NEK5: variants seen among roughly 807,000 people sequenced by gnomAD.
NEK5 encodes serine/threonine-protein kinase Nek5.
NEK5 carries 88 observed loss-of-function variants against 109.2 expected under a neutral mutation model. The observed-to-expected ratio is 0.81, with a 90% CI of 0.68 to 0.96. The LOEUF (loss-of-function observed/expected upper bound fraction) is 0.96, where lower values mean the gene tolerates loss of function less well. Among genes scored for constraint, NEK5 ranks in the 40% least tolerant of loss-of-function variants. The probability of loss-of-function intolerance (pLI) is 0.00; values close to 1 mark genes in which losing one functional copy is unlikely to be tolerated. For synonymous variants in NEK5, 283 were observed against 299.9 expected (o/e 0.94, Z 0.58); for missense variants, 834 against 920.7 (o/e 0.91, Z 1.22).
At chr13:52,068,676 T>C (rs1566746686) in intron 20 of NEK5, among the ~76,000 whole-genome samples, 1 of 151,950 alleles carries the variant, frequency 6.6e-6, no homozygotes, top group Non-Finnish European at 1.5e-5. Flanking sequence ...ATAACAGAAA[T>C]ATGAAGGGTT....
Position 52,082,394 on chromosome 13 carries a change from T to G in NEK5, c.1572+866A>C, listed in dbSNP as rs924964328. ...TTACTAAGCAAAAATAAAAGCACAC[T>G]TGGGCTTCTTATTCGCAAAATAAAT... On this transcript the variant is annotated intron_variant, in intron 17 of 23. Coordinates refer to ENST00000684899, the MANE Select transcript of NEK5 (RefSeq NM_001365552.1). 14 of 1,149,548 alleles carry G rather than the reference T, an allele frequency of 1.2e-5. No individual in the cohort carries two copies. The African/African-American group carries it at 2.4e-4, about 19-fold the overall frequency. 71.2% of individuals were successfully genotyped at this position (1,149,548 alleles called of 1,614,324 possible). A position where few individuals can be genotyped will look rare whatever the true frequency, so the allele number is the denominator to read the frequency against.
Position 52,071,325 on chromosome 13 carries a change from T to C in NEK5, c.1849+619A>G, listed in dbSNP as rs138768478. Among the ~76,000 whole-genome samples the C allele has an allele frequency of 3.2e-3, 491 of 152,294 alleles. 3 individuals are homozygous for C. The highest frequency in any genetic ancestry group is 0.011 in the African/African-American group (442 of 41,554). ...TCCCAAATACCTCATTCCTTCCACA[T>C]GTAGCCCAAGCAGCAAAACCTTATC... On this transcript the variant is annotated intron_variant, in intron 20 of 23. Transcript: ENST00000684899.
At chr13:52,079,096 G>A (rs1954921463) in intron 17 of NEK5, among the ~76,000 whole-genome samples, 1 of 152,180 alleles carries the variant, frequency 6.6e-6, no homozygotes, top group African/African-American at 2.4e-5. Context: ...AGATGAGGCA[G>A]TTATTAATTC....
At chr13:52,058,043 C>T (rs1396939479) in intron 22 of NEK5, among the ~76,000 whole-genome samples, 1 of 151,974 alleles carries the variant, frequency 6.6e-6, no homozygotes, top group Non-Finnish European at 1.5e-5. Flanking sequence ...GATTGTGTAT[C>T]TAGAAAACCC....
chr13:52,064,215 G>A (rs1405975943), intron 21 of NEK5, among the ~76,000 whole-genome samples: 9 of 144,226 alleles, frequency 6.2e-5, no homozygotes, highest in South Asian at 2.2e-4. Context: ...CGCCCCGTCC[G>A]GGAGGGAGGT....
chr13:52,068,546 A>G (rs1459753389), intron 20 of NEK5, among the ~76,000 whole-genome samples: 1 of 152,164 alleles, frequency 6.6e-6, no homozygotes, highest in Non-Finnish European at 1.5e-5. Context: ...CAACCAACTG[A>G]GGAAAACATT....
rs76485308 is a variant in NEK5 at position 52,112,345 on chromosome 13, C to T, written c.235G>A (p.Val79Ile). 1.2e-6 allele frequency: 2 copies of T among 1,604,386 alleles called. No individual in the cohort carries two copies. The highest frequency in any genetic ancestry group is 2.2e-5 in the South Asian group (2 of 90,732). ...SFQENGRLFI[V>I]MEYCDGGDLM... is the part of the protein sequence containing the mutation. Reference sequence around the variant, plus strand: ...TCCCCTCCATCACAATATTCCATTACAATAAACAGCCTGCCATTCTCTGTA... The same window carrying T: ...TCCCCTCCATCACAATATTCCATTATAATAAACAGCCTGCCATTCTCTGTA... Residue 79 changes from valine to isoleucine, a missense_variant, in exon 5 of 24, where the codon GTA becomes ATA. Val to Ile is a conservative substitution (Grantham distance 29, BLOSUM62 3). This residue lies in a region of NEK5 where 777 missense variants were observed against 824.7 expected (regional missense o/e 0.94). Transcript: ENST00000684899.
At chr13:52,123,494 G>T (rs1235422020) in intron 3 of NEK5, among the ~76,000 whole-genome samples, 1 of 152,110 alleles carries the variant, frequency 6.6e-6, no homozygotes. Flanking sequence ...AATTAAAATG[G>T]TTTTATAATT....
intron 23 of NEK5, among the ~76,000 whole-genome samples, chr13:52,040,650 G>A (rs1451680508): frequency 6.6e-6 from 1 of 152,028 alleles, no homozygotes; most frequent in East Asian, 1.9e-4. Context: ...ATCAGCATTT[G>A]TTCTATTTGC....
At chr13:52,045,130 C>CTTTTTTTTTTT (rs374051509) in intron 23 of NEK5, among the ~76,000 whole-genome samples, 1 of 108,704 alleles carries the variant, frequency 9.2e-6, no homozygotes, top group Non-Finnish European at 1.8e-5. Flanking sequence ...AATAAAAAAT[C>CTTTTTTTTTTT]TTTTTTTTTT....
At chr13:52,079,458 C>T (rs961624079) in intron 17 of NEK5, among the ~76,000 whole-genome samples, 5 of 152,234 alleles carry the variant, frequency 3.3e-5, no homozygotes, top group Admixed American at 6.5e-5. Context: ...CACCGCCACG[C>T]CTGACTGGTT....
chr13:52,099,272 C>T (rs1363403188), intron 12 of NEK5, among the ~76,000 whole-genome samples: 1 of 152,054 alleles, frequency 6.6e-6, no homozygotes, highest in East Asian at 1.9e-4. Context: ...GTGGCTTATG[C>T]TTGTAATACC....
rs1172266927 is a variant in NEK5 at position 52,034,504 on chromosome 13, C to CTTTTTT, written c.*2438_*2443dup. On this transcript the variant is annotated 3_prime_UTR_variant, in exon 24 of 24. Transcript: ENST00000684899. ...GGAACAAACCCGATAACCTGACATGCTTTTTTTTTTTTTTTTTTTTTTTGA... is the reference window on the plus strand; with the variant it reads ...GGAACAAACCCGATAACCTGACATGCTTTTTTTTTTTTTTTTTTTTTTTTTTTTTGA... 7.3e-5 allele frequency: 8 copies of CTTTTTT among 108,940 alleles called. No homozygotes were observed. The highest frequency in any genetic ancestry group is 1.4e-4 in the African/African-American group (4 of 28,050). The allele number at this position is 108,940 out of a possible 1,614,324, so 6.7% of individuals were successfully genotyped here.
intron 20 of NEK5, among the ~76,000 whole-genome samples, chr13:52,068,864 G>A (rs117841366): frequency 0.049 from 7,476 of 152,014 alleles, 213 homozygotes; most frequent in Non-Finnish European, 0.069. Flanking sequence ...CAGCTACTCA[G>A]GGAGGCTGAG....
chr13:52,111,740 A>G (rs1955763782), intron 5 of NEK5, among the ~76,000 whole-genome samples: 1 of 152,194 alleles, frequency 6.6e-6, no homozygotes, highest in Non-Finnish European at 1.5e-5. Context: ...GGCTTGGAGT[A>G]TAGAAGAGAA....
chr13:52,093,203 AG>A lies in NEK5; in HGVS notation c.1058del (p.Ala353ValfsTer16), dbSNP rs1317743337. ...AATAATAATCATAATGTCCACAGAC[AG>A]CAGCAATTTTGGGTCTTTCTATCAT... Reference protein sequence around the residue: ...IKMIERPKIAAVCGHYDYYYA... With the variant: ...IKMIERPKIAXVCGHYDYYYA... On this transcript the variant is annotated frameshift_variant, in exon 13 of 24. Transcript: ENST00000684899. LOFTEE classifies it high-confidence loss of function. 1.9e-6 allele frequency: 3 copies of A among 1,613,200 alleles called. No individual in the cohort carries two copies. The East Asian group carries it at 6.7e-5, about 36-fold the overall frequency.
At chr13:52,105,377 ATTT>A (rs956690546) in intron 8 of NEK5, among the ~76,000 whole-genome samples, 1 of 151,504 alleles carries the variant, frequency 6.6e-6, no homozygotes, top group African/African-American at 2.4e-5. Flanking sequence ...AATTTGTGGG[ATTT>A]TTTTTAATAA....
intron 15 of NEK5, 35 bp downstream of exon 15, chr13:52,087,303 T>C: frequency 9.4e-7 from 1 of 1,061,470 alleles, no homozygotes; most frequent in Non-Finnish European, 1.5e-6. Context: ...TACAAAGAAA[T>C]ACAAGGGTAG....
At position 52,071,925 on chromosome 13, in the gene NEK5, A is replaced by G. The variant is rs775512106; in HGVS notation, c.1849+19T>C. 2.5e-6 allele frequency: 4 copies of G among 1,611,434 alleles called. No individual in the cohort carries two copies. The highest frequency in any genetic ancestry group is 3.4e-6 in the Non-Finnish European group (4 of 1,178,068). On this transcript the variant is annotated intron_variant, in intron 20 of 23. Coordinates refer to ENST00000684899, the MANE Select transcript of NEK5 (RefSeq NM_001365552.1). ...ATAAAACAGTTCCTTCTCATTTACA[A>G]CTTTCAAGAAACACATACCTGCTTC...
Sources: allele counts gnomAD v4.1 joint callset (sites outside exome capture counted in the v4.1 genomes callset), GRCh38; gene constraint gnomAD v4.1.1; regional missense constraint gnomAD v4.1.1; transcripts MANE v1.5; gene names NCBI Gene and HGNC (gene_info 2026-07-23, HGNC 2026-07-21).